The following CCNH variants were observed in gnomAD, a reference collection of about 807,000 sequenced individuals.
CCNH encodes the protein cyclin-H.
In CCNH, 31 loss-of-function variants were observed where a neutral mutation model predicts 41.9. The observed-to-expected ratio is 0.74, with a 90% CI of 0.56 to 1.00. CCNH has a LOEUF of 1.00. CCNH is among the 50% of genes least tolerant of loss of function. The pLI is 0.00. For missense variants in CCNH, 362 were observed against 388.4 expected, an observed-to-expected ratio of 0.93 and a Z score of 0.57; for synonymous variants, 138 against 136.1, an observed-to-expected ratio of 1.01 and a Z score of -0.10.
intron 9 of CCNH, among the ~76,000 whole-genome samples, chr5:87,343,084 C>A (rs890627568): frequency 6.6e-6 from 1 of 152,038 alleles, no homozygotes; most frequent in African/African-American, 2.4e-5. Flanking sequence ...CCTTTAATTT[C>A]CTAATATAGG....
At chr5:87,403,986 G>A (rs1763609066) in intron 5 of CCNH, among the ~76,000 whole-genome samples, 1 of 152,138 alleles carries the variant, frequency 6.6e-6, no homozygotes, top group Non-Finnish European at 1.5e-5. Flanking sequence ...ATCACTTTGG[G>A]ATTAAACGTA....
intron 9 of CCNH, among the ~76,000 whole-genome samples, chr5:87,347,497 A>T (rs1298685881): frequency 6.6e-6 from 1 of 152,008 alleles, no homozygotes; most frequent in African/African-American, 2.4e-5. Context: ...ATGTAATTTA[A>T]AAGTTTCAGT....
At chr5:87,409,180 G>A in intron 3 of CCNH, 110 bp downstream of exon 3, 2 of 552,064 alleles carry the variant, frequency 3.6e-6, no homozygotes, top group East Asian at 3.0e-5. Flanking sequence ...CCTGTATTAG[G>A]AAGTCAGTTC....
At chr5:87,401,438 CT>C in intron 6 of CCNH, among the ~76,000 whole-genome samples, 1 of 152,210 alleles carries the variant, frequency 6.6e-6, no homozygotes, top group East Asian at 1.9e-4. Flanking sequence ...TAAAAGGATC[CT>C]GTTGTCAATC....
downstream of CCNH, among the ~76,000 whole-genome samples, chr5:87,387,527 C>G (rs1277600048): frequency 6.6e-6 from 1 of 152,036 alleles, no homozygotes; most frequent in African/African-American, 2.4e-5. Flanking sequence ...TTAAACTAAA[C>G]TTATTAGTAA....
chr5:87,394,946 A>G (rs560649395), intron 8 of CCNH, 98 bp downstream of exon 8: 8 of 1,585,222 alleles, frequency 5.0e-6, no homozygotes, highest in East Asian at 4.5e-5. Context: ...CCACAACTCT[A>G]TAATGCCTGT....
At chr5:87,341,888 G>A (rs1758497155) in intron 9 of CCNH, among the ~76,000 whole-genome samples, 1 of 151,982 alleles carries the variant, frequency 6.6e-6, no homozygotes, top group Admixed American at 6.5e-5. Flanking sequence ...ATTTAGGGAT[G>A]GAACTTGAGG....
intron 4 of CCNH, among the ~76,000 whole-genome samples, chr5:87,407,490 A>G (rs1057448124): frequency 1.3e-5 from 2 of 152,168 alleles, no homozygotes; most frequent in African/African-American, 4.8e-5. Flanking sequence ...GCTTTTGTCA[A>G]TGTTTGTTTA....
intron 5 of CCNH, 59 bp from the exon 6 acceptor site, chr5:87,401,831 ACAT>A: frequency 2.9e-6 from 3 of 1,042,154 alleles, no homozygotes; most frequent in Non-Finnish European, 4.1e-6. Context: ...AGAAAACATG[ACAT>A]CATAAATTAT....
At chr5:87,341,306 C>T in intron 9 of CCNH, 1 of 1,349,492 alleles carries the variant, frequency 7.4e-7, no homozygotes, top group Non-Finnish European at 9.6e-7. Context: ...GAAGAAGATC[C>T]ACATGAAGGA....
Position 87,394,429 on chromosome 5 carries a change from A to C in CCNH, c.*17T>G. On this transcript the variant is annotated 3_prime_UTR_variant, in exon 9 of 9. Coordinates refer to ENST00000256897, the MANE Select transcript of CCNH (RefSeq NM_001239.4). ...CTTCTCTTGATTAGTTAGCATTGAG[A>C]AATCAACTTCAAATGGTTAGAGAGA... The C allele has an allele frequency of 5.0e-6, 8 of 1,611,374 alleles. No homozygotes were observed. Among genetic ancestry groups the C allele is most frequent in the Non-Finnish European group, 6.8e-6 (8 of 1,178,118 alleles).
chr5:87,401,491 A>G (rs566153231), intron 6 of CCNH, among the ~76,000 whole-genome samples: 6 of 152,300 alleles, frequency 3.9e-5, no homozygotes, highest in South Asian at 2.1e-4. Context: ...CACTCTTTGC[A>G]TAAGTTCTAT....
the CCNH span, among the ~76,000 whole-genome samples, chr5:87,313,096 G>A: frequency 2.0e-5 from 3 of 152,208 alleles, no homozygotes; most frequent in Non-Finnish European, 4.4e-5. Flanking sequence ...AAGTTGTATG[G>A]ACTGCAGATA....
chr5:87,405,992 T>C (rs541310323), intron 4 of CCNH, among the ~76,000 whole-genome samples: 28 of 152,276 alleles, frequency 1.8e-4, no homozygotes, highest in Middle Eastern at 6.8e-3. Context: ...CAAGCAACCA[T>C]AGTATTTCCA....
rs141250429 is a variant in CCNH, at chr5:87,346,350, C to A, written c.*91-27453G>T. 7.9e-3 allele frequency among the ~76,000 whole-genome samples: 1,203 copies of A among 151,870 alleles called. 15 individuals are homozygous for A. Among genetic ancestry groups the A allele is most frequent in the African/African-American group, 0.028 (1,153 of 41,436 alleles). Reference sequence around the variant, plus strand: ...TGGAGTAGGCTCTATCTGTACTACTCCTCCTTCCCCTTACCCCACAAAAAG... The same window carrying A: ...TGGAGTAGGCTCTATCTGTACTACTACTCCTTCCCCTTACCCCACAAAAAG... On this transcript the variant is annotated intron_variant and NMD_transcript_variant, in intron 9 of 9. Transcript: ENST00000645953.
At chr5:87,334,831 T>C (rs1360657773) in intron 9 of CCNH, among the ~76,000 whole-genome samples, 2 of 152,124 alleles carry the variant, frequency 1.3e-5, no homozygotes, top group Non-Finnish European at 1.5e-5. Context: ...TTCTGCTGTG[T>C]ACCAGGGATC....
At chr5:87,388,079 CTTTTG>C (rs1314973204), downstream of CCNH, among the ~76,000 whole-genome samples, 1 of 152,082 alleles carries the variant, frequency 6.6e-6, no homozygotes, top group Non-Finnish European at 1.5e-5. Flanking sequence ...AATAAAATAA[CTTTTG>C]TTTTACCTCC....
At chr5:87,375,595 T>C (rs554824572), downstream of CCNH, among the ~76,000 whole-genome samples, 100 of 152,270 alleles carry the variant, frequency 6.6e-4, no homozygotes, top group African/African-American at 2.4e-3. Flanking sequence ...TTGAATGTCA[T>C]TTATTCTATT....
At chr5:87,408,300 C>A in intron 3 of CCNH, 114 bp from the exon 4 acceptor site, 23 of 496,420 alleles carry the variant, frequency 4.6e-5, no homozygotes, top group Non-Finnish European at 6.2e-5. Context: ...CTATAATTGC[C>A]TAATATTCAA....
Sources: gnomAD v4.1 joint callset for allele counts (sites outside exome capture counted in the v4.1 genomes callset) on GRCh38, gnomAD v4.1.1 for gene constraint, MANE v1.5 for transcripts, NCBI Gene and HGNC (gene_info 2026-07-23, HGNC 2026-07-21) for gene names.